GARS1: variants seen among roughly 807,000 people sequenced by gnomAD.
The protein encoded by GARS1 is glycyl-tRNA synthetase 1, also known as glycine--tRNA ligase.
Under a neutral mutation model 86.4 loss-of-function variants are expected in GARS1, and 46 were observed. The observed-to-expected ratio is 0.53, with a 90% CI of 0.42 to 0.68. GARS1 has a LOEUF of 0.68. GARS1 is among the 30% of genes least tolerant of loss of function. GARS1 has a pLI of 0.00. For synonymous variants in GARS1, 342 were observed against 329.8 expected (o/e 1.04, Z -0.40); for missense variants, 797 against 915.6 (o/e 0.87, Z 1.67).
intron 12 of GARS1, among the ~76,000 whole-genome samples, chr7:30,625,060 A>G (rs1783099551): frequency 1.3e-5 from 2 of 152,144 alleles, no homozygotes. Flanking sequence ...CTCCTGCCTC[A>G]GCCTCCCGAG....
chr7:30,619,176 A>G (rs1468058058), intron 10 of GARS1, among the ~76,000 whole-genome samples: 2 of 152,174 alleles, frequency 1.3e-5, no homozygotes, highest in Non-Finnish European at 2.9e-5. Flanking sequence ...CACCAGACTC[A>G]TGCTCTTAAC....
chr7:30,628,757 G>A (rs1783180556), intron 14 of GARS1, 88 bp downstream of exon 14: 1 of 811,058 alleles, frequency 1.2e-6, no homozygotes, highest in South Asian at 1.4e-5. Flanking sequence ...TAAGACTCTA[G>A]AATGGTCAAT....
chr7:30,621,450 G>T lies in GARS1; in HGVS notation c.1417G>T (p.Ala473Ser), dbSNP rs988105162. 1.2e-6 allele frequency: 2 copies of T among 1,614,140 alleles called. No homozygotes were observed. Among genetic ancestry groups the T allele is most frequent in the African/African-American group, 1.3e-5 (1 of 75,036 alleles). ...DRSCYDLSCHARATKVPLVAE... is the reference protein window; with the variant it reads ...DRSCYDLSCHSRATKVPLVAE... ...TTCCTGTTATGACCTCTCCTGTCAT[G>T]CACGAGCCACCAAAGTCCCACTTGT... The change falls in exon 11 of 17, where the codon GCA (alanine) becomes TCA (serine). Residue 473 changes from alanine to serine, a missense_variant. Physicochemically the swap from Ala to Ser is moderately conservative, Grantham distance 99. Transcript: ENST00000389266.
At chr7:30,631,352 C>A in intron 14 of GARS1, 96 bp from the exon 15 acceptor site, 1 of 928,976 alleles carries the variant, frequency 1.1e-6, no homozygotes, top group Non-Finnish European at 1.7e-6. Context: ...TATGCTTGAA[C>A]ACTTGCTGAA....
In GARS1 at chr7:30,595,156, T is replaced by TG. The variant is rs1221293280; in HGVS notation, c.222+14dup. ...AGTGCGCCAGCAGGTACCGGTGTTT[T>TG]GCGCTCTCCGCTAAGCCTCCGGCTC... On this transcript the variant is annotated intron_variant, in intron 1 of 16. Transcript: ENST00000389266. The TG allele has an allele frequency of 6.5e-7, 1 of 1,535,440 alleles. No homozygotes were observed. The highest frequency in any genetic ancestry group is 2.0e-5 in the Admixed American group (1 of 51,012).
intron 8 of GARS1, 112 bp from the exon 9 acceptor site, chr7:30,615,784 T>C (rs538711134): frequency 8.3e-7 from 1 of 1,203,992 alleles, no homozygotes; most frequent in Admixed American, 2.3e-5. Context: ...AAGACCACTA[T>C]AGTATGGAGC....
chr7:30,623,339 C>T (rs1328366427), intron 12 of GARS1, among the ~76,000 whole-genome samples: 1 of 151,996 alleles, frequency 6.6e-6, no homozygotes, highest in East Asian at 1.9e-4. Flanking sequence ...TTCATGTACT[C>T]AAGGGTGTAA....
chr7:30,630,359 G>A (rs1384278566), intron 14 of GARS1, among the ~76,000 whole-genome samples: 2 of 152,080 alleles, frequency 1.3e-5, no homozygotes. Context: ...AGGCTAAACT[G>A]GAACCTGTGT....
At position 30,632,248 on chromosome 7, in the gene GARS1, G is replaced by C. The variant is rs773889809; in HGVS notation, c.1905G>C (p.Ser635=). 3 of 1,613,934 alleles carry C rather than the reference G, an allele frequency of 1.9e-6. No homozygotes were observed. Among genetic ancestry groups the C allele is most frequent in the Admixed American group, 1.7e-5 (1 of 59,998 alleles). Residue 635 remains serine, a splice_region_variant and synonymous_variant, in exon 16 of 17, where the codon TCG becomes TCC. Coordinates refer to ENST00000389266, the MANE Select transcript of GARS1 (RefSeq NM_002047.4). This position sits in a 1 kb window ranked among gnomAD's most constrained non-coding sequence, Gnocchi z 4.1. ...ATTTACTTTGTTTATTTTGGATAGCGGAAGCCCTGACCAGGCATGGAGTAT... is the reference window on the plus strand; with the variant it reads ...ATTTACTTTGTTTATTTTGGATAGCCGAAGCCCTGACCAGGCATGGAGTAT... ...QEFMPFVKEL[S]EALTRHGVSH...
In GARS1 at chr7:30,594,935, G is replaced by T. The variant is rs1257151609; in HGVS notation, c.14G>T (p.Arg5Leu). Residue 5 changes from arginine (R) to leucine (L), a missense_variant, in exon 1 of 17, where the codon CGT becomes CTT. By Grantham distance (102) the Arg-to-Leu change is moderately radical (BLOSUM62 -2). Transcript: ENST00000389266. ...GGCCGCAGGCTCATGCCCTCTCCGC[G>T]TCCAGTGCTGCTTAGAGGTGCTCGC... MPSPRPVLLRGARAA... is the reference protein window; with the variant it reads MPSPLPVLLRGARAA... 1 of 1,592,898 alleles carries T rather than the reference G, an allele frequency of 6.3e-7. No individual in the cohort carries two copies.
Position 30,622,400 on chromosome 7 carries a change from G to A in GARS1, c.1551G>A (p.Glu517=), listed in dbSNP as rs2128135204. ...AYKKDAKLVM[E]YLAICDECYI... ...AGAAGGATGCAAAACTGGTGATGGA[G>A]TATCTTGCCATTTGTGATGAGTGCT... The change falls in exon 12 of 17, where the codon GAG becomes GAA. Residue 517 remains glutamate, a synonymous_variant. Coordinates refer to ENST00000389266, the MANE Select transcript of GARS1 (RefSeq NM_002047.4). 3 of 1,614,128 alleles carry A rather than the reference G, an allele frequency of 1.9e-6. No individual in the cohort carries two copies. The highest frequency in any genetic ancestry group is 2.5e-6 in the Non-Finnish European group (3 of 1,179,998).
At position 30,632,589 on chromosome 7, in the gene GARS1, C is replaced by T. The variant is rs1783259448; in HGVS notation, c.2094+152C>T. On this transcript the variant is annotated intron_variant, in intron 16 of 16. Coordinates refer to ENST00000389266, the MANE Select transcript of GARS1 (RefSeq NM_002047.4). The surrounding 1 kb of genome is among the most constrained non-coding windows in gnomAD (Gnocchi z 4.1). The stretch of plus-strand genomic sequence containing the variant: ...TTGTATCAGACAGAGCCCAGATTCT[C>T]AAGTCCCCCGGTTTAATTATGAAAA... 2 of 762,254 alleles carry T rather than the reference C, an allele frequency of 2.6e-6. No homozygotes were observed. Among genetic ancestry groups the T allele is most frequent in the East Asian group, 2.7e-5 (1 of 36,872 alleles). 47.2% of individuals were successfully genotyped at this position (762,254 alleles called of 1,614,324 possible).
intron 2 of GARS1, among the ~76,000 whole-genome samples, chr7:30,599,159 A>C (rs570340487): frequency 1.3e-5 from 2 of 152,310 alleles, no homozygotes; most frequent in African/African-American, 2.4e-5. Flanking sequence ...ATTTCCATGG[A>C]AAGGATTGTG....
intron 8 of GARS1, 116 bp downstream of exon 8, chr7:30,612,361 GTTTTCTCCAAAAATCATGTTT>G (rs2128134050): frequency 9.7e-7 from 1 of 1,033,786 alleles, no homozygotes; most frequent in Non-Finnish European, 1.5e-6. Flanking sequence ...ATTTATTTTT[GTTTTCTCCAAAAATCATGTTT>G]TACATTTGGA....
chr7:30,628,340 A>G, intron 13 of GARS1: 1 of 410,632 alleles, frequency 2.4e-6, no homozygotes, highest in South Asian at 1.9e-5. Flanking sequence ...ACCTGCCACC[A>G]TACCCAGTTA....
At chr7:30,617,372 A>T in intron 10 of GARS1, 94 bp downstream of exon 10, 1 of 1,385,748 alleles carries the variant, frequency 7.2e-7, no homozygotes, top group South Asian at 1.2e-5. Flanking sequence ...GTCACAGAGG[A>T]ACAAAGGGAA....
intron 6 of GARS1, among the ~76,000 whole-genome samples, chr7:30,607,285 T>G (rs1791503849): frequency 6.6e-6 from 1 of 152,196 alleles, no homozygotes; most frequent in South Asian, 2.1e-4. Context: ...TAGCAAAGAC[T>G]TGGAACCAAC....
In GARS1 at chr7:30,617,350, T is replaced by A. The variant is rs546280745; in HGVS notation, c.1359+72T>A. 5.2e-6 allele frequency: 8 copies of A among 1,531,814 alleles called. No homozygotes were observed. The East Asian group carries it at 9.2e-5, about 18-fold the overall frequency. The allele number at this position is 1,531,814 out of a possible 1,614,324, so 94.9% of individuals were successfully genotyped here. ...GAAGCACAGGTACCAAATGAATTTT[T>A]GTGCACTTTATGTCACAGAGGAACA... is the stretch of plus-strand genomic sequence containing the variant. On this transcript the variant is annotated intron_variant, in intron 10 of 16. Coordinates refer to ENST00000389266, the MANE Select transcript of GARS1 (RefSeq NM_002047.4).
chr7:30,609,575 T>C lies in GARS1; in HGVS notation c.736-10T>C, dbSNP rs1196227398. 1 of 1,610,586 alleles carries C rather than the reference T, an allele frequency of 6.2e-7. No individual in the cohort carries two copies. Among genetic ancestry groups the C allele is most frequent in the Admixed American group, 1.7e-5 (1 of 60,002 alleles). The stretch of plus-strand genomic sequence containing the variant: ...TGTCTTTTACACTAATTTCTTTATA[T>C]GTCTTTTAGCTTGATAACTATGGAC... On this transcript the variant is annotated splice_polypyrimidine_tract_variant and intron_variant, in intron 6 of 16. Transcript: ENST00000389266.
Sources: allele counts gnomAD v4.1 joint callset (sites outside exome capture counted in the v4.1 genomes callset), GRCh38; gene constraint gnomAD v4.1.1; non-coding constraint Gnocchi (gnomAD v3.1); transcripts MANE v1.5; gene names NCBI Gene and HGNC (gene_info 2026-07-23, HGNC 2026-07-21).